IMMP2L: variants seen among roughly 807,000 people sequenced by gnomAD.
IMMP2L encodes the protein mitochondrial inner membrane protease subunit 2.
A neutral mutation model predicts 19.3 loss-of-function variants in IMMP2L; 18 were observed. That is an observed-to-expected ratio of 0.93 (90% CI 0.64 to 1.38). The LOEUF (loss-of-function observed/expected upper bound fraction) is 1.38. Ranked by LOEUF, IMMP2L falls within the 40% of genes most tolerant of loss-of-function variation. IMMP2L has a pLI of 0.00. For synonymous variants in IMMP2L, 76 were observed against 73.0 expected (o/e 1.04, Z -0.21); for missense variants, 233 against 218.2 (o/e 1.07, Z -0.43).
chr7:111,199,335 T>C (rs1484588851), intron 3 of IMMP2L, among the ~76,000 whole-genome samples: 1 of 152,164 alleles, frequency 6.6e-6, no homozygotes, highest in Non-Finnish European at 1.5e-5. Flanking sequence ...CAGTTCCCTG[T>C]AATTTCCTTT....
intron 3 of IMMP2L, among the ~76,000 whole-genome samples, chr7:111,329,631 T>C (rs921924800): frequency 3.9e-5 from 6 of 151,904 alleles, no homozygotes; most frequent in Admixed American, 1.3e-4. Context: ...ACAAGCCACC[T>C]TGCAAAGGCG....
At chr7:111,273,660 C>T (rs1342403994) in intron 3 of IMMP2L, among the ~76,000 whole-genome samples, 2 of 151,900 alleles carry the variant, frequency 1.3e-5, no homozygotes, top group South Asian at 4.2e-4. Context: ...GAACACTTCC[C>T]GAGGGAGCAA....
In IMMP2L at chr7:111,016,668, CAT is replaced by C. The variant is rs544517671; in HGVS notation, c.240-53105_240-53104del. Among the ~76,000 whole-genome samples, 879 of 101,696 alleles carry C rather than the reference CAT, an allele frequency of 8.6e-3. 13 individuals are homozygous for C. Among genetic ancestry groups the C allele is most frequent in the African/African-American group, 0.034 (823 of 24,028 alleles). The allele number at this position is 101,696 out of a possible 152,430, so 66.7% of individuals were successfully genotyped here. A position where few individuals can be genotyped will look rare whatever the true frequency, so the allele number is the denominator to read the frequency against. On this transcript the variant is annotated intron_variant, in intron 3 of 5. Coordinates refer to ENST00000405709, the MANE Select transcript of IMMP2L (RefSeq NM_032549.4). ...TATGTGCATATATACATATATTAAACATATATAATATATAAATTATATTTCTA... is the reference window on the plus strand; with the variant it reads ...TATGTGCATATATACATATATTAAACATATAATATATAAATTATATTTCTA...
chr7:111,279,845 C>T (rs1819506746), intron 3 of IMMP2L, among the ~76,000 whole-genome samples: 1 of 152,074 alleles, frequency 6.6e-6, no homozygotes, highest in African/African-American at 2.4e-5. Flanking sequence ...AGAGAACAAA[C>T]ATTTCGGGCT....
chr7:110,800,354 T>C (rs1172486785), intron 5 of IMMP2L, among the ~76,000 whole-genome samples: 2 of 152,112 alleles, frequency 1.3e-5, no homozygotes, highest in African/African-American at 2.4e-5. Context: ...CATGTCCATC[T>C]CATTTAATGA....
intron 5 of IMMP2L, among the ~76,000 whole-genome samples, chr7:110,702,101 T>C (rs1269588597): frequency 6.6e-6 from 1 of 151,860 alleles, no homozygotes; most frequent in Non-Finnish European, 1.5e-5. Context: ...GCTAATTTTT[T>C]TTTTTGTATG....
intron 4 of IMMP2L, among the ~76,000 whole-genome samples, chr7:110,937,580 G>A (rs570497594): frequency 7.7e-4 from 117 of 152,270 alleles, no homozygotes; most frequent in Non-Finnish European, 1.4e-3. Context: ...TATATTTCAT[G>A]ATTTTTGAGT....
chr7:110,858,062 T>C (rs62464029), intron 5 of IMMP2L, among the ~76,000 whole-genome samples: 2,154 of 152,186 alleles, frequency 0.014, 30 homozygotes, highest in Middle Eastern at 0.065. Flanking sequence ...AGTAAGCAAA[T>C]TTGTTTCTGC....
intron 4 of IMMP2L, among the ~76,000 whole-genome samples, chr7:110,897,544 T>C (rs1015209363): frequency 6.6e-6 from 1 of 152,174 alleles, no homozygotes; most frequent in Non-Finnish European, 1.5e-5. Context: ...GCAGCATCCA[T>C]AACATTTTAA....
intron 4 of IMMP2L, among the ~76,000 whole-genome samples, chr7:110,951,918 C>T (rs978741798): frequency 5.3e-5 from 8 of 152,036 alleles, no homozygotes; most frequent in Admixed American, 2.0e-4. Flanking sequence ...CCCCGGTCAA[C>T]GTTAAGTTAA....
At chr7:111,095,514 G>C (rs1024881798) in intron 3 of IMMP2L, among the ~76,000 whole-genome samples, 5 of 151,868 alleles carry the variant, frequency 3.3e-5, no homozygotes, top group Admixed American at 3.3e-4. Flanking sequence ...TTCAATAATA[G>C]AAGCAACGAT....
chr7:110,768,769 T>C (rs1471630624), intron 5 of IMMP2L, among the ~76,000 whole-genome samples: 1 of 152,168 alleles, frequency 6.6e-6, no homozygotes, highest in African/African-American at 2.4e-5. Flanking sequence ...ATAGCCCTTA[T>C]AGCGACATGT....
At chr7:110,742,044 T>C (rs973718949) in intron 5 of IMMP2L, among the ~76,000 whole-genome samples, 23 of 152,226 alleles carry the variant, frequency 1.5e-4, no homozygotes, top group African/African-American at 5.3e-4. Context: ...TGGACTAATA[T>C]TGAGTAATGG....
In IMMP2L at chr7:111,222,474, AT is replaced by A. The variant is rs201850569; in HGVS notation, c.240-258910del. Among the ~76,000 whole-genome samples the A allele has an allele frequency of 1.7e-3, 248 of 150,100 alleles. 4 individuals are homozygous for A. In the East Asian group the frequency reaches 0.038, roughly 23 times the overall value. The stretch of plus-strand genomic sequence containing the variant: ...AAAAGGACACCTACACATCAACAGT[AT>A]TTTTTTTTTAAAGCTTAATGACCAA... On this transcript the variant is annotated intron_variant, in intron 3 of 5. Coordinates refer to ENST00000405709, the MANE Select transcript of IMMP2L (RefSeq NM_032549.4).
intron 3 of IMMP2L, among the ~76,000 whole-genome samples, chr7:111,332,357 T>C (rs761753086): frequency 6.6e-6 from 1 of 151,958 alleles, no homozygotes; most frequent in African/African-American, 2.4e-5. Flanking sequence ...TTTTCAATAA[T>C]TGTGCAGGCA....
chr7:110,978,986 A>G (rs968413414), intron 3 of IMMP2L, among the ~76,000 whole-genome samples: 3 of 152,026 alleles, frequency 2.0e-5, no homozygotes, highest in Non-Finnish European at 4.4e-5. Context: ...TTAGAAATTT[A>G]TATTATTTAT....
At chr7:110,882,276 CTT>C (rs1809719531) in intron 5 of IMMP2L, among the ~76,000 whole-genome samples, 1 of 151,622 alleles carries the variant, frequency 6.6e-6, no homozygotes, top group Non-Finnish European at 1.5e-5. Flanking sequence ...CAATTCCTCT[CTT>C]TGTCAAGTGC....
intron 3 of IMMP2L, among the ~76,000 whole-genome samples, chr7:111,291,014 G>A (rs1318282048): frequency 6.6e-6 from 1 of 151,990 alleles, no homozygotes; most frequent in Non-Finnish European, 1.5e-5. Flanking sequence ...AAGGAAGTGT[G>A]TTCAAATAAA....
intron 3 of IMMP2L, chr7:111,124,978 A>AAAAC (rs750950439): frequency 6.8e-6 from 7 of 1,026,534 alleles, no homozygotes; most frequent in Admixed American, 3.0e-5. Flanking sequence ...AAAACAAAAC[A>AAAAC]AAACAAACAA....
Sources: allele counts gnomAD v4.1 joint callset (sites outside exome capture counted in the v4.1 genomes callset), GRCh38; gene constraint gnomAD v4.1.1; transcripts MANE v1.5; gene names NCBI Gene and HGNC (gene_info 2026-07-23, HGNC 2026-07-21).